The following SLIT2 variants were observed in gnomAD, a reference collection of about 807,000 sequenced individuals.
SLIT2 encodes the protein slit guidance ligand 2, also known as slit homolog 2 protein.
In SLIT2, 41 loss-of-function variants were observed where a neutral mutation model predicts 185.7. The ratio of observed to expected loss-of-function variants is 0.22; its 90% CI spans 0.17 to 0.29. The LOEUF is 0.29. Ranked by LOEUF, SLIT2 falls within the 10% of genes least tolerant of loss-of-function variation. The pLI is 1.00. For missense variants in SLIT2, 1,571 were observed against 1,909.0 expected (o/e 0.82, Z 3.30); for synonymous variants, 693 against 680.2 (o/e 1.02, Z -0.29).
At chr4:20,500,468 T>A (rs1366757003) in intron 9 of SLIT2, among the ~76,000 whole-genome samples, 1 of 152,140 alleles carries the variant, frequency 6.6e-6, no homozygotes, top group Admixed American at 6.5e-5. Context: ...TACTTTCACT[T>A]CACATTTTAT....
chr4:20,539,570 T>C lies in SLIT2; in HGVS notation c.1962T>C (p.His654=), dbSNP rs776240743. Residue 654 remains histidine, a synonymous_variant, in exon 19 of 37, where the codon CAT becomes CAC. Transcript: ENST00000504154. ...CACCAGGGGCATTTGATACTCTCCATTCTTTATCTACTCTGTAAGTATGAA... is the reference window on the plus strand; with the variant it reads ...CACCAGGGGCATTTGATACTCTCCACTCTTTATCTACTCTGTAAGTATGAA... ...TVAPGAFDTL[H]SLSTLNLLAN... is the part of the protein sequence containing the mutation. 2 of 1,610,576 alleles carry C rather than the reference T, an allele frequency of 1.2e-6. No individual in the cohort carries two copies. Among genetic ancestry groups the C allele is most frequent in the African/African-American group, 1.3e-5 (1 of 75,004 alleles).
chr4:20,316,223 G>C (rs942035352), intron 4 of SLIT2, among the ~76,000 whole-genome samples: 2 of 152,002 alleles, frequency 1.3e-5, no homozygotes, highest in African/African-American at 4.8e-5. Flanking sequence ...CACTTCTGCA[G>C]GTTATAAACA....
Position 20,539,598 on chromosome 4 carries a change from A to AG in SLIT2, c.1976+14_1976+15insG. 1 of 1,573,372 alleles carries AG rather than the reference A, an allele frequency of 6.4e-7. No homozygotes were observed. The highest frequency in any genetic ancestry group is 8.7e-7 in the Non-Finnish European group (1 of 1,148,540). ...TTTATCTACTCTGTAAGTATGAAAA[A>AG]TAGCCCTTATGTATTACTTGAGCCA... On this transcript the variant is annotated intron_variant, in intron 19 of 36. Coordinates refer to ENST00000504154, the MANE Select transcript of SLIT2 (RefSeq NM_004787.4).
intron 6 of SLIT2, 144 bp from the exon 7 acceptor site, chr4:20,486,056 A>T: frequency 1.6e-6 from 1 of 626,436 alleles, no homozygotes; most frequent in South Asian, 1.9e-5. Context: ...CAACTTGTCT[A>T]TAGAGTAGTG....
rs1717829554 is a variant in SLIT2, at chr4:20,492,044, C to T, written c.914+145C>T. 20 of 715,442 alleles carry T rather than the reference C, an allele frequency of 2.8e-5. No individual in the cohort carries two copies. The South Asian group carries it at 4.1e-4, about 15-fold the overall frequency. The allele number at this position is 715,442 out of a possible 1,614,324, so 44.3% of individuals were successfully genotyped here. A position where few individuals can be genotyped will look rare whatever the true frequency, so the allele number is the denominator to read the frequency against. On this transcript the variant is annotated intron_variant, in intron 9 of 36. Coordinates refer to ENST00000504154, the MANE Select transcript of SLIT2 (RefSeq NM_004787.4). ...CTCTTCAGAAATGTATTGATTCTTACTCTGATTGTTTAAAAACATACCATG... is the reference window on the plus strand; with the variant it reads ...CTCTTCAGAAATGTATTGATTCTTATTCTGATTGTTTAAAAACATACCATG...
intron 28 of SLIT2, among the ~76,000 whole-genome samples, chr4:20,568,646 C>T (rs1330055992): frequency 6.6e-6 from 1 of 151,830 alleles, no homozygotes; most frequent in African/African-American, 2.4e-5. Context: ...TTCTTGCAAC[C>T]GGCATAAATT....
At chr4:20,381,130 G>A (rs572780974) in intron 4 of SLIT2, among the ~76,000 whole-genome samples, 30 of 152,094 alleles carry the variant, frequency 2.0e-4, no homozygotes, top group Non-Finnish European at 4.3e-4. Context: ...GGTAACGCCT[G>A]TAATCGTAGC....
intron 29 of SLIT2, among the ~76,000 whole-genome samples, chr4:20,579,929 T>G (rs1347057359): frequency 6.8e-6 from 1 of 148,112 alleles, no homozygotes; most frequent in Admixed American, 6.8e-5. Context: ...TTTGACAGTA[T>G]GTACAGGAAA....
intron 3 of SLIT2, among the ~76,000 whole-genome samples, chr4:20,263,332 T>A (rs1712690398): frequency 6.6e-6 from 1 of 151,834 alleles, no homozygotes; most frequent in African/African-American, 2.4e-5. Context: ...TCATCAATAT[T>A]GCTTTACGAT....
At chr4:20,388,100 A>G (rs1040708726) in intron 4 of SLIT2, among the ~76,000 whole-genome samples, 7 of 152,198 alleles carry the variant, frequency 4.6e-5, no homozygotes, top group African/African-American at 1.7e-4. Context: ...TGATAATATG[A>G]CATCTATGAA....
chr4:20,331,778 C>T (rs934635891), intron 4 of SLIT2, among the ~76,000 whole-genome samples: 3 of 152,088 alleles, frequency 2.0e-5, no homozygotes, highest in African/African-American at 7.2e-5. Context: ...GTACCCATTG[C>T]CAGTCACTTT....
At chr4:20,494,903 C>T (rs866261491) in intron 9 of SLIT2, among the ~76,000 whole-genome samples, 11 of 152,096 alleles carry the variant, frequency 7.2e-5, no homozygotes, top group Middle Eastern at 6.8e-3. Flanking sequence ...TTGAAACCAT[C>T]AACTGTCTAA....
intron 4 of SLIT2, chr4:20,394,995 G>A (rs1028811938): frequency 2.0e-5 from 3 of 151,916 alleles, no homozygotes; most frequent in African/African-American, 4.8e-5. Context: ...ACAGTAAGCC[G>A]TGATGACTCA....
rs1443504270 is a variant in SLIT2 at position 20,254,880 on chromosome 4, T to G, written c.179+886T>G. ...GCAGCAGTTCCCCTGCCTTCCCCTC[T>G]TCGCGCTCCGTTGCTCGCAGACGTC... On this transcript the variant is annotated intron_variant, in intron 1 of 36. Transcript: ENST00000504154. The surrounding 1 kb of genome is among the most constrained non-coding windows in gnomAD (Gnocchi z 5.1). The G allele has an allele frequency of 4.4e-6, 2 of 455,606 alleles. No homozygotes were observed. Among genetic ancestry groups the G allele is most frequent in the African/African-American group, 4.0e-5 (2 of 50,080 alleles). The allele number at this position is 455,606 out of a possible 1,614,324, so 28.2% of individuals were successfully genotyped here. A position where few individuals can be genotyped will look rare whatever the true frequency, so the allele number is the denominator to read the frequency against.
chr4:20,441,079 T>G (rs1482646263), intron 4 of SLIT2, among the ~76,000 whole-genome samples: 1 of 151,940 alleles, frequency 6.6e-6, no homozygotes, highest in Non-Finnish European at 1.5e-5. Flanking sequence ...AAAAAATTCC[T>G]TCATAAACAG....
Position 20,517,023 on chromosome 4 carries a change from A to G in SLIT2, c.1059-2359A>G, listed in dbSNP as rs952214045. On this transcript the variant is annotated intron_variant, in intron 11 of 36. Coordinates refer to ENST00000504154, the MANE Select transcript of SLIT2 (RefSeq NM_004787.4). ...GCATCTCCTAGCTTGTTCTCCTTTCATGCTATTTGGGCCAACCTTCAAAGC... is the reference window on the plus strand; with the variant it reads ...GCATCTCCTAGCTTGTTCTCCTTTCGTGCTATTTGGGCCAACCTTCAAAGC... Among the ~76,000 whole-genome samples, 3 of 152,130 alleles carry G rather than the reference A, an allele frequency of 2.0e-5. 1 individual carries two copies. Among genetic ancestry groups the G allele is most frequent in the South Asian group, 4.1e-4 (2 of 4,824 alleles).
chr4:20,425,339 C>A (rs1347981914), intron 4 of SLIT2, among the ~76,000 whole-genome samples: 1 of 151,904 alleles, frequency 6.6e-6, no homozygotes, highest in Admixed American at 6.6e-5. Flanking sequence ...CACATTCCAG[C>A]CTGGGAGATA....
intron 30 of SLIT2, 54 bp downstream of exon 30, chr4:20,589,791 T>C (rs907865658): frequency 1.0e-5 from 13 of 1,247,430 alleles, no homozygotes; most frequent in Non-Finnish European, 1.5e-5. Context: ...CCCATTATTT[T>C]AGGAGCCCTT....
intron 4 of SLIT2, among the ~76,000 whole-genome samples, chr4:20,397,968 T>G (rs1315185247): frequency 6.6e-6 from 1 of 151,774 alleles, no homozygotes; most frequent in East Asian, 1.9e-4. Flanking sequence ...CATTTCAGTC[T>G]CCAGGAAAAA....
Sources: gnomAD v4.1 joint callset for allele counts (sites outside exome capture counted in the v4.1 genomes callset) on GRCh38, gnomAD v4.1.1 for gene constraint, Gnocchi (gnomAD v3.1) non-coding constraint, MANE v1.5 for transcripts, NCBI Gene and HGNC (gene_info 2026-07-23, HGNC 2026-07-21) for gene names.